RPL21: variants seen among roughly 807,000 people sequenced by gnomAD.
RPL21 encodes large ribosomal subunit protein eL21.
Under a neutral mutation model 21.2 loss-of-function variants are expected in RPL21, and 1 was observed. That is an observed-to-expected ratio of 0.05 (90% CI 0.02 to 0.22). The LOEUF (loss-of-function observed/expected upper bound fraction) is 0.22. RPL21 is among the 10% of genes least tolerant of loss of function. The pLI is 1.00. For missense variants in RPL21, 113 were observed against 199.4 expected (o/e 0.57, Z 2.61); for synonymous variants, 52 against 62.9 (o/e 0.83, Z 0.82).
chr13:27,255,638 C>G (rs1022044939), intron 4 of RPL21: 4 of 497,020 alleles, frequency 8.0e-6, no homozygotes, highest in Admixed American at 6.8e-5. Context: ...GTGGTGGGAT[C>G]TCTGCTCTCT....
rs7324497 is a variant in RPL21 at position 27,255,808 on chromosome 13, G to A, written c.243-376G>A. 8.2e-3 allele frequency: 2,687 copies of A among 327,948 alleles called. 72 individuals carry two copies. Among genetic ancestry groups the A allele is most frequent in the African/African-American group, 0.054 (2,467 of 46,092 alleles). The allele number at this position is 327,948 out of a possible 1,614,324, so 20.3% of individuals were successfully genotyped here. A position where few individuals can be genotyped will look rare whatever the true frequency, so the allele number is the denominator to read the frequency against. On this transcript the variant is annotated intron_variant, in intron 4 of 5. Coordinates refer to ENST00000311549, the MANE Select transcript of RPL21 (RefSeq NM_000982.4). ...AGGATGGTCTCAATCTCCTGACCTC[G>A]TGATCTGCCTGCCTCGGCCTCCCAA... is the stretch of plus-strand genomic sequence containing the variant.
At chr13:27,253,953 C>A in intron 2 of RPL21, 110 bp downstream of exon 2, 1 of 766,342 alleles carries the variant, frequency 1.3e-6, no homozygotes, top group Non-Finnish European at 2.4e-6. Context: ...AAATAACTAG[C>A]GTCTACCCAG....
At chr13:27,254,444 G>A in intron 3 of RPL21, 163 bp downstream of exon 3, 1 of 550,712 alleles carries the variant, frequency 1.8e-6, no homozygotes, top group South Asian at 2.1e-5. Flanking sequence ...TGCTCAGGCT[G>A]GAGTGCAATG....
chr13:27,252,716 T>G (rs189566219), intron 1 of RPL21, among the ~76,000 whole-genome samples: 228 of 152,356 alleles, frequency 1.5e-3, no homozygotes, highest in Non-Finnish European at 2.5e-3. Context: ...TTTAAAGGGT[T>G]CATCCATTGT....
At chr13:27,253,723 C>T in intron 1 of RPL21, 42 bp from the exon 2 acceptor site, 1 of 1,105,610 alleles carries the variant, frequency 9.0e-7, no homozygotes, top group East Asian at 2.4e-5. Context: ...GGGCAAATGC[C>T]AGTTTTCAGT....
Position 27,256,381 on chromosome 13 carries a change from T to C in RPL21, c.393+47T>C, listed in dbSNP as rs745533694. 75 of 1,591,298 alleles carry C rather than the reference T, an allele frequency of 4.7e-5. No individual in the cohort carries two copies. In the Admixed American group the frequency reaches 1.2e-3, roughly 26 times the overall value. On this transcript the variant is annotated intron_variant, in intron 5 of 5. Coordinates refer to ENST00000311549, the MANE Select transcript of RPL21 (RefSeq NM_000982.4). ...CATTGGTTCTGAGAGCACTTTAAGG[T>C]TGAGATTTAACACATCACATAATTA... is the stretch of plus-strand genomic sequence containing the variant.
At chr13:27,252,228 A>C (rs1881685231) in intron 1 of RPL21, among the ~76,000 whole-genome samples, 1 of 152,144 alleles carries the variant, frequency 6.6e-6, no homozygotes, top group South Asian at 2.1e-4. Context: ...TGGTGATCGG[A>C]CGAAGGGAAA....
At chr13:27,253,347 A>C (rs957487762) in intron 1 of RPL21, among the ~76,000 whole-genome samples, 3 of 152,258 alleles carry the variant, frequency 2.0e-5, no homozygotes, top group African/African-American at 4.8e-5. Flanking sequence ...TTTGGTTGAC[A>C]AGAAAGGTTT....
chr13:27,254,631 T>C (rs56349732), intron 3 of RPL21, among the ~76,000 whole-genome samples: 2,365 of 151,452 alleles, frequency 0.016, 66 homozygotes, highest in African/African-American at 0.054. Context: ...TCGGGTGATC[T>C]GCTGGACTCA....
At chr13:27,254,862 A>G (rs112640867) in intron 3 of RPL21, 1 of 372,120 alleles carries the variant, frequency 2.7e-6, no homozygotes, top group Non-Finnish European at 5.2e-6. Flanking sequence ...CAGAATTTAA[A>G]TTTTCCTCAT....
chr13:27,252,036 G>A (rs750161347), intron 1 of RPL21, among the ~76,000 whole-genome samples: 1 of 152,116 alleles, frequency 6.6e-6, no homozygotes, highest in Admixed American at 6.5e-5. Flanking sequence ...AGGACTTAAG[G>A]GGTAGTAGGA....
At chr13:27,254,337 C>A in intron 3 of RPL21, 56 bp downstream of exon 3, 2 of 990,942 alleles carry the variant, frequency 2.0e-6, no homozygotes, top group Non-Finnish European at 3.2e-6. Context: ...TGGATTTAAT[C>A]TAGTGTAGGA....
At chr13:27,254,431 T>A in intron 3 of RPL21, 150 bp downstream of exon 3, 2 of 578,516 alleles carry the variant, frequency 3.5e-6, no homozygotes, top group South Asian at 2.0e-5. Context: ...GTTTCACTCT[T>A]GTTGCTCAGG....
Position 27,256,531 on chromosome 13 carries a change from G to A in RPL21, c.*6G>A, listed in dbSNP as rs1566039767. The A allele has an allele frequency of 1.7e-6, 2 of 1,159,814 alleles. No individual in the cohort carries two copies. The highest frequency in any genetic ancestry group is 2.6e-6 in the Non-Finnish European group (2 of 770,888). The allele number at this position is 1,159,814 out of a possible 1,614,324, so 71.8% of individuals were successfully genotyped here. ...CCTATGAATTCATGGCATAATAGGT[G>A]TTAAAAAAAAAAATAAAGGACCTCT... On this transcript the variant is annotated 3_prime_UTR_variant, in exon 6 of 6. Coordinates refer to ENST00000311549, the MANE Select transcript of RPL21 (RefSeq NM_000982.4).
At chr13:27,255,000 A>G in intron 3 of RPL21, 1 of 681,576 alleles carries the variant, frequency 1.5e-6, no homozygotes, top group Non-Finnish European at 2.7e-6. Flanking sequence ...TACTATGATT[A>G]AAAACCCTCC....
rs56287071 is a variant in RPL21 at position 27,254,411 on chromosome 13, T to TTTTTTTG, written c.129+130_129+131insTTTTTTG. On this transcript the variant is annotated intron_variant, in intron 3 of 5. Transcript: ENST00000311549. ...GAATGGATTTTTTTTTTTTTTTTTT[T>TTTTTTTG]GGAGACGGAGTTTCACTCTTGTTGC... is the stretch of plus-strand genomic sequence containing the variant. The TTTTTTTG allele has an allele frequency of 1.5e-4, 98 of 647,362 alleles. 1 individual carries two copies. Among genetic ancestry groups the TTTTTTTG allele is most frequent in the Non-Finnish European group, 2.3e-4 (85 of 368,986 alleles). 40.1% of individuals were successfully genotyped at this position (647,362 alleles called of 1,614,324 possible).
intron 3 of RPL21, chr13:27,254,961 A>G (rs1881825966): frequency 8.9e-6 from 5 of 561,466 alleles, no homozygotes; most frequent in Non-Finnish European, 1.3e-5. Context: ...GCCTTAGTGC[A>G]AAGTTTAATT....
chr13:27,255,216 G>T, intron 3 of RPL21, 26 bp from the exon 4 acceptor site: 1 of 876,032 alleles, frequency 1.1e-6, no homozygotes, highest in South Asian at 1.3e-5. Context: ...GGAAATGCTG[G>T]TATATAACAT....
chr13:27,254,104 GATA>G (rs1367192328), intron 2 of RPL21, 113 bp from the exon 3 acceptor site: 4 of 767,790 alleles, frequency 5.2e-6, no homozygotes, highest in East Asian at 2.5e-5. Flanking sequence ...CCATTGGGAA[GATA>G]ATAAGCATGT....
Sources: allele counts gnomAD v4.1 joint callset (sites outside exome capture counted in the v4.1 genomes callset), GRCh38; gene constraint gnomAD v4.1.1; transcripts MANE v1.5; gene names NCBI Gene and HGNC (gene_info 2026-07-23, HGNC 2026-07-21).